Variants in DPP10 observed in about 807,000 individuals in gnomAD.
The protein encoded by DPP10 is dipeptidyl peptidase like 10.
A neutral mutation model predicts 120.9 loss-of-function variants in DPP10; 33 were observed. The observed-to-expected ratio is 0.27, with a 90% CI of 0.21 to 0.37. The LOEUF (loss-of-function observed/expected upper bound fraction) is 0.37, where lower values mean the gene tolerates loss of function less well. DPP10 is among the 10% of genes least tolerant of loss of function. The pLI is 1.00. For missense variants in DPP10, 816 were observed against 942.8 expected (o/e 0.87, Z 1.76); for synonymous variants, 337 against 326.1 (o/e 1.03, Z -0.36).
intron 1 of DPP10, among the ~76,000 whole-genome samples, chr2:114,858,389 CTG>C (rs1452159208): frequency 6.6e-6 from 1 of 152,150 alleles, no homozygotes; most frequent in Non-Finnish European, 1.5e-5. Context: ...ATTCTTATCT[CTG>C]TAACAATTTA....
rs921635929 is a variant in DPP10, at chr2:114,635,764, A to G, written c.60+192926A>G. On this transcript the variant is annotated intron_variant, in intron 1 of 25. Coordinates refer to ENST00000410059, the MANE Select transcript of DPP10 (RefSeq NM_020868.6). ...ATGTGAGTTATATCCATTGCTACTT[A>G]CATAAAAAATTAAAATGAAGACATT... is the stretch of plus-strand genomic sequence containing the variant. Among the ~76,000 whole-genome samples the G allele has an allele frequency of 2.0e-5, 3 of 151,968 alleles. 1 individual carries two copies. Among genetic ancestry groups the G allele is most frequent in the South Asian group, 2.1e-4 (1 of 4,832 alleles).
intron 1 of DPP10, among the ~76,000 whole-genome samples, chr2:114,451,079 T>C (rs1251066884): frequency 6.6e-6 from 1 of 150,698 alleles, no homozygotes; most frequent in Non-Finnish European, 1.5e-5. Context: ...TATTTAAAGA[T>C]CGGCCCTTTA....
intron 1 of DPP10, among the ~76,000 whole-genome samples, chr2:114,642,018 T>G (rs1360427776): frequency 6.6e-6 from 1 of 151,882 alleles, no homozygotes; most frequent in Non-Finnish European, 1.5e-5. Flanking sequence ...ATATAGAAAG[T>G]CTTTTGATTT....
chr2:115,441,424 G>C (rs1250938817), intron 3 of DPP10, among the ~76,000 whole-genome samples: 3 of 152,146 alleles, frequency 2.0e-5, no homozygotes, highest in South Asian at 4.1e-4. Flanking sequence ...AGTTGGAAAG[G>C]ACTTTTTATG....
intron 21 of DPP10, among the ~76,000 whole-genome samples, chr2:115,820,794 GGTGTATGTGTGTGTGTGTGTGTGTGTGT>G (rs1296068496): frequency 1.1e-4 from 12 of 112,634 alleles, no homozygotes; most frequent in African/African-American, 3.3e-4. Flanking sequence ...AGTATTCCAT[GGTGTATGTGTGTGTGTGTGTGTGTGTGT>G]GTGTGTGTGT....
At chr2:114,781,455 C>G (rs1682315277) in intron 1 of DPP10, among the ~76,000 whole-genome samples, 1 of 151,982 alleles carries the variant, frequency 6.6e-6, no homozygotes, top group Admixed American at 6.6e-5. Flanking sequence ...ATTTATTATT[C>G]TTTTGCAGAG....
In DPP10 at chr2:114,549,159, A is replaced by G. The variant is rs117137856; in HGVS notation, c.60+106321A>G. On this transcript the variant is annotated intron_variant, in intron 1 of 25. Coordinates refer to ENST00000410059, the MANE Select transcript of DPP10 (RefSeq NM_020868.6). ...GGAACTTTCTCTTGTCAGCGTGCAC[A>G]TGCATGCCGGGGGTGGGCGTGAGCT... 1.5e-3 allele frequency among the ~76,000 whole-genome samples: 221 copies of G among 150,648 alleles called. 5 individuals are homozygous for G. The East Asian group carries it at 0.04, about 27-fold the overall frequency.
At chr2:115,813,228 G>T (rs573503170) in intron 19 of DPP10, among the ~76,000 whole-genome samples, 5 of 146,644 alleles carry the variant, frequency 3.4e-5, no homozygotes, top group Non-Finnish European at 5.9e-5. Context: ...TGATCCACCC[G>T]CCTCGGCCTG....
At chr2:114,843,184 AC>A (rs1365989723) in intron 1 of DPP10, among the ~76,000 whole-genome samples, 2 of 152,100 alleles carry the variant, frequency 1.3e-5, no homozygotes, top group African/African-American at 4.8e-5. Flanking sequence ...TGAGAAATGA[AC>A]CGAAAAATAA....
At chr2:114,622,851 C>A (rs1245609661) in intron 1 of DPP10, among the ~76,000 whole-genome samples, 1 of 152,092 alleles carries the variant, frequency 6.6e-6, no homozygotes, top group Non-Finnish European at 1.5e-5. Context: ...TGGGCACTAG[C>A]ATTTGCTTGC....
chr2:114,649,691 A>G (rs189315599), intron 1 of DPP10, among the ~76,000 whole-genome samples: 21 of 152,210 alleles, frequency 1.4e-4, no homozygotes, highest in Non-Finnish European at 5.9e-5. Flanking sequence ...GAAAAACACT[A>G]TTTTATAGGA....
chr2:114,744,459 A>T (rs1678370719), intron 1 of DPP10, among the ~76,000 whole-genome samples: 1 of 152,232 alleles, frequency 6.6e-6, no homozygotes, highest in Non-Finnish European at 1.5e-5. Flanking sequence ...AATGATTTGT[A>T]TCAGAAGTTA....
chr2:115,097,842 G>C (rs1052917974), intron 1 of DPP10, among the ~76,000 whole-genome samples: 1 of 152,126 alleles, frequency 6.6e-6, no homozygotes, highest in African/African-American at 2.4e-5. Context: ...TGAAATACTA[G>C]CTTTCTACAG....
rs190397027 is a variant in DPP10, at chr2:115,691,006, T to C, written c.576+1085T>C. The stretch of plus-strand genomic sequence containing the variant: ...TATAGTTTTATTAACATTTAGTATT[T>C]CCTTGAATTCTAATAAGCTAGAGCA... On this transcript the variant is annotated intron_variant, in intron 7 of 25. Transcript: ENST00000410059. Among the ~76,000 whole-genome samples, 45 of 152,342 alleles carry C rather than the reference T, an allele frequency of 3.0e-4. No homozygotes were observed. In the East Asian group the frequency reaches 8.3e-3, roughly 28 times the overall value.
rs555826384 is a variant in DPP10 at position 115,820,317 on chromosome 2, A to T, written c.1950+4588A>T. Among the ~76,000 whole-genome samples the T allele has an allele frequency of 3.3e-5, 5 of 152,220 alleles. No homozygotes were observed. In the East Asian group the frequency reaches 7.7e-4, roughly 23 times the overall value. On this transcript the variant is annotated intron_variant, in intron 21 of 25. Coordinates refer to ENST00000410059, the MANE Select transcript of DPP10 (RefSeq NM_020868.6). ...ATTGTTTTATCTTTATCAATTATTTAATTTTGTGTAATTAATTTTCTTATT... is the reference window on the plus strand; with the variant it reads ...ATTGTTTTATCTTTATCAATTATTTTATTTTGTGTAATTAATTTTCTTATT...
At chr2:114,960,413 G>A (rs1698525677) in intron 1 of DPP10, among the ~76,000 whole-genome samples, 1 of 149,122 alleles carries the variant, frequency 6.7e-6, no homozygotes. Flanking sequence ...TATGACCAGT[G>A]ATCTGTGGAA....
intron 1 of DPP10, among the ~76,000 whole-genome samples, chr2:115,049,231 T>C (rs1443955194): frequency 1.3e-5 from 2 of 152,062 alleles, no homozygotes; most frequent in Non-Finnish European, 2.9e-5. Flanking sequence ...ATAATAATGA[T>C]GAAGTTGGGC....
intron 1 of DPP10, among the ~76,000 whole-genome samples, chr2:114,657,219 A>G (rs1008812818): frequency 4.6e-5 from 7 of 152,138 alleles, no homozygotes; most frequent in African/African-American, 1.7e-4. Context: ...AATATAACCT[A>G]TTCTCCTTCT....
At chr2:114,549,107 T>C (rs909980283) in intron 1 of DPP10, among the ~76,000 whole-genome samples, 3 of 152,046 alleles carry the variant, frequency 2.0e-5, no homozygotes, top group African/African-American at 7.2e-5. Context: ...ATTATGTTCT[T>C]ATTTGGGTCA....
Sources: allele counts gnomAD v4.1 joint callset (sites outside exome capture counted in the v4.1 genomes callset), GRCh38; gene constraint gnomAD v4.1.1; transcripts MANE v1.5; gene names NCBI Gene and HGNC (gene_info 2026-07-23, HGNC 2026-07-21).